The following BBS9 variants were observed in gnomAD, a reference collection of about 807,000 sequenced individuals.
BBS9 encodes the protein Bardet-Biedl syndrome 9, also known as protein PTHB1.
BBS9 carries 89 observed loss-of-function variants against 117.7 expected under a neutral mutation model. The ratio of observed to expected loss-of-function variants is 0.76; its 90% CI spans 0.64 to 0.90. The LOEUF is 0.90. BBS9 is among the 40% of genes least tolerant of loss of function. The probability of loss-of-function intolerance (pLI) is 0.00; values close to 1 mark genes in which losing one functional copy is unlikely to be tolerated. For missense variants in BBS9, 982 were observed against 1,042.2 expected (o/e 0.94, Z 0.80); for synonymous variants, 379 against 370.9 (o/e 1.02, Z -0.25).
intron 21 of BBS9, among the ~76,000 whole-genome samples, chr7:33,571,668 T>C (rs529406300): frequency 1.3e-5 from 2 of 152,220 alleles, no homozygotes; most frequent in East Asian, 3.9e-4. Context: ...AGTATAGAAC[T>C]CTTATCATTT....
intron 21 of BBS9, among the ~76,000 whole-genome samples, chr7:33,632,261 C>CCAG (rs937413250): frequency 9.2e-5 from 14 of 152,076 alleles, no homozygotes; most frequent in African/African-American, 3.1e-4. Context: ...CGATTGCTTC[C>CCAG]CAGCAGCAGC....
chr7:33,445,295 C>T (rs1836828522), intron 19 of BBS9, among the ~76,000 whole-genome samples: 1 of 152,194 alleles, frequency 6.6e-6, no homozygotes, highest in African/African-American at 2.4e-5. Context: ...ATTATTTTAG[C>T]TAATGCTCTG....
At chr7:33,520,168 C>G (rs1848400355) in intron 20 of BBS9, among the ~76,000 whole-genome samples, 1 of 152,014 alleles carries the variant, frequency 6.6e-6, no homozygotes, top group South Asian at 2.1e-4. Context: ...GACACTGCAC[C>G]CAACTAATTT....
chr7:33,453,420 C>T (rs761915126), intron 19 of BBS9, among the ~76,000 whole-genome samples: 6 of 152,150 alleles, frequency 3.9e-5, no homozygotes, highest in Non-Finnish European at 5.9e-5. Flanking sequence ...ACCAGCTCCT[C>T]TTCCTCCTCC....
downstream of BBS9, among the ~76,000 whole-genome samples, chr7:33,607,637 C>T (rs1377436157): frequency 6.6e-6 from 1 of 151,928 alleles, no homozygotes; most frequent in South Asian, 2.1e-4. Context: ...TTCTTATTCA[C>T]TTCTTTAATT....
At chr7:33,247,653 T>C (rs1417508357) in intron 5 of BBS9, among the ~76,000 whole-genome samples, 1 of 152,224 alleles carries the variant, frequency 6.6e-6, no homozygotes, top group Non-Finnish European at 1.5e-5. Flanking sequence ...TGTTGTACTA[T>C]TTAATTAACT....
chr7:33,267,096 AT>A (rs1798960279), intron 7 of BBS9, among the ~76,000 whole-genome samples: 1 of 152,112 alleles, frequency 6.6e-6, no homozygotes, highest in South Asian at 2.1e-4. Flanking sequence ...GAATTCTGTT[AT>A]TAGGTACATA....
At chr7:33,393,903 C>T (rs1419897) in intron 19 of BBS9, among the ~76,000 whole-genome samples, 1,605 of 152,236 alleles carry the variant, frequency 0.011, 30 homozygotes, top group African/African-American at 0.036. Flanking sequence ...AAAAGCCAAC[C>T]ACTTCCCTCC....
At chr7:33,164,835 G>A (rs1335585458) in intron 4 of BBS9, among the ~76,000 whole-genome samples, 1 of 152,140 alleles carries the variant, frequency 6.6e-6, no homozygotes, top group Non-Finnish European at 1.5e-5. Context: ...TACATTTAAG[G>A]TTAATATTGT....
intron 9 of BBS9, among the ~76,000 whole-genome samples, chr7:33,320,495 A>T (rs1014231996): frequency 1.3e-5 from 2 of 152,084 alleles, no homozygotes; most frequent in Non-Finnish European, 2.9e-5. Context: ...TCGTCTGTTG[A>T]TGGACACTTA....
At chr7:33,629,494 TGA>T (rs1216031965) in intron 21 of BBS9, among the ~76,000 whole-genome samples, 2 of 152,196 alleles carry the variant, frequency 1.3e-5, no homozygotes, top group Non-Finnish European at 2.9e-5. Context: ...CGTCAGCCAG[TGA>T]GGGACTCTTC....
chr7:33,442,239 T>G (rs1458898887), intron 19 of BBS9, among the ~76,000 whole-genome samples: 1 of 152,184 alleles, frequency 6.6e-6, no homozygotes, highest in Non-Finnish European at 1.5e-5. Flanking sequence ...AGTTTGACAG[T>G]TGAATCCATG....
intron 21 of BBS9, among the ~76,000 whole-genome samples, chr7:33,551,675 G>A (rs1298527736): frequency 6.6e-6 from 1 of 152,150 alleles, no homozygotes; most frequent in Non-Finnish European, 1.5e-5. Flanking sequence ...TGCCCTCAGG[G>A]AATTTATTAT....
intron 21 of BBS9, among the ~76,000 whole-genome samples, chr7:33,590,633 C>G (rs1861752024): frequency 6.6e-6 from 1 of 151,714 alleles, no homozygotes; most frequent in Non-Finnish European, 1.5e-5. Context: ...CAGGCTTAGA[C>G]TGGAATAATT....
At chr7:33,524,451 T>C (rs1026161491) in intron 20 of BBS9, among the ~76,000 whole-genome samples, 1 of 152,214 alleles carries the variant, frequency 6.6e-6, no homozygotes, top group African/African-American at 2.4e-5. Context: ...TATTCAGAGA[T>C]TCAACTTCTT....
chr7:33,530,969 A>G (rs1415825353), intron 20 of BBS9, among the ~76,000 whole-genome samples: 1 of 152,264 alleles, frequency 6.6e-6, no homozygotes, highest in African/African-American at 2.4e-5. Flanking sequence ...GCAGGGCCAG[A>G]CATGGTGGCT....
intron 9 of BBS9, among the ~76,000 whole-genome samples, chr7:33,300,892 G>A (rs1334628740): frequency 2.6e-5 from 4 of 151,996 alleles, no homozygotes; most frequent in East Asian, 3.8e-4. Flanking sequence ...TTGCCTGAAG[G>A]CATTTAAAAA....
intron 1 of BBS9, among the ~76,000 whole-genome samples, 175 bp downstream of exon 1, chr7:33,130,216 C>T (rs957915573): frequency 6.6e-6 from 1 of 152,154 alleles, no homozygotes; most frequent in Non-Finnish European, 1.5e-5. Flanking sequence ...GTATGAGATT[C>T]TGTGAGTACT....
intron 5 of BBS9, among the ~76,000 whole-genome samples, chr7:33,226,369 T>C (rs1791274097): frequency 6.6e-6 from 1 of 152,206 alleles, no homozygotes; most frequent in African/African-American, 2.4e-5. Flanking sequence ...TGATTTTATA[T>C]CTGATAGGTC....
Sources: allele counts gnomAD v4.1 joint callset (sites outside exome capture counted in the v4.1 genomes callset), GRCh38; gene constraint gnomAD v4.1.1; transcripts MANE v1.5; gene names NCBI Gene and HGNC (gene_info 2026-07-23, HGNC 2026-07-21).